Variants in PCDHA8 observed in about 807,000 individuals in gnomAD.
PCDHA8 encodes the protein protocadherin alpha 8.
Under a neutral mutation model 61.8 loss-of-function variants are expected in PCDHA8, and 53 were observed. That is an observed-to-expected ratio of 0.86 (90% confidence interval 0.69 to 1.08). The LOEUF is 1.08. Ranked by LOEUF, PCDHA8 falls within the 50% of genes least tolerant of loss-of-function variation. The pLI is 0.00. For synonymous variants in PCDHA8, 618 were observed against 556.6 expected (o/e 1.11, Z -1.55); for missense variants, 1,293 against 1,245.0 (o/e 1.04, Z -0.58).
At position 140,842,117 on chromosome 5, in the gene PCDHA8, G is replaced by A; in HGVS notation, c.796G>A (p.Ala266Thr). Residue 266 changes from alanine (A) to threonine (T), a missense_variant, in exon 1 of 4, where the codon GCT becomes ACT. Ala to Thr is a moderately conservative substitution (Grantham distance 58). Transcript: ENST00000531613. ...DNGTTVIKLNASDPDEGANGA... is the reference protein window; with the variant it reads ...DNGTTVIKLNTSDPDEGANGA... ...CGGAACAACAGTTATCAAACTGAAT[G>A]CTTCTGATCCGGATGAAGGAGCCAA... 2.5e-6 allele frequency: 4 copies of A among 1,613,862 alleles called. No individual in the cohort carries two copies. Among genetic ancestry groups the A allele is most frequent in the Non-Finnish European group, 3.4e-6 (4 of 1,179,862 alleles).
At chr5:140,932,728 T>C (rs2088582843) in intron 1 of PCDHA8, among the ~76,000 whole-genome samples, 1 of 151,886 alleles carries the variant, frequency 6.6e-6, no homozygotes, top group African/African-American at 2.4e-5. Context: ...TTGTATAATA[T>C]AGACCCTCAA....
intron 3 of PCDHA8, among the ~76,000 whole-genome samples, chr5:140,988,533 C>G (rs1395075166): frequency 6.6e-6 from 1 of 152,160 alleles, no homozygotes; most frequent in African/African-American, 2.4e-5. Flanking sequence ...CTGGCTCCAT[C>G]CATTCATGAC....
chr5:140,843,370 G>A lies in PCDHA8; in HGVS notation c.2049G>A (p.Ser683=), dbSNP rs782264664. The change falls in exon 1 of 4, where the codon TCG becomes TCA. Residue 683 remains serine (S), a synonymous_variant. Coordinates refer to ENST00000531613, the MANE Select transcript of PCDHA8 (RefSeq NM_018911.3). ...GQAPKASSRQ[S]AGVLGPEAAL... Reference sequence around the variant, plus strand: ...CTCCAAAAGCGTCATCGAGGCAGTCGGCTGGCGTTTTGGGTCCGGAAGCGG... The same window carrying A: ...CTCCAAAAGCGTCATCGAGGCAGTCAGCTGGCGTTTTGGGTCCGGAAGCGG... The A allele has an allele frequency of 1.2e-5, 19 of 1,596,088 alleles. 2 individuals carry two copies. Among genetic ancestry groups the A allele is most frequent in the Non-Finnish European group, 1.6e-5 (19 of 1,165,604 alleles).
intron 1 of PCDHA8, chr5:140,853,500 T>C (rs2042770346): frequency 1.0e-6 from 1 of 977,532 alleles, no homozygotes; most frequent in Non-Finnish European, 1.2e-6. Flanking sequence ...GTTAGAATCA[T>C]GAAACAATAA....
chr5:140,896,194 T>G (rs2065426928), intron 1 of PCDHA8, among the ~76,000 whole-genome samples: 2 of 152,244 alleles, frequency 1.3e-5, no homozygotes, highest in Middle Eastern at 3.2e-3. Flanking sequence ...AATAGTGCCA[T>G]GATGAACATA....
chr5:140,970,427 GGTGTTA>G (rs1442614278), intron 1 of PCDHA8, among the ~76,000 whole-genome samples: 6 of 152,192 alleles, frequency 3.9e-5, no homozygotes, highest in Admixed American at 3.3e-4. Context: ...TGTAGAGGCA[GGTGTTA>G]GTATATGCAC....
In PCDHA8 at chr5:140,848,503, A is replaced by G. The variant is rs2150411513; in HGVS notation, c.2394+4788A>G. 2.1e-5 allele frequency: 33 copies of G among 1,586,850 alleles called. 4 individuals are homozygous for G. Among genetic ancestry groups the G allele is most frequent in the African/African-American group, 4.1e-5 (3 of 74,020 alleles). Reference sequence around the variant, plus strand: ...GAAGACTGAGTATTTGAAATGTTATACTCAAGTCGAGGAGATCCAGAGGGT... The same window carrying G: ...GAAGACTGAGTATTTGAAATGTTATGCTCAAGTCGAGGAGATCCAGAGGGT... On this transcript the variant is annotated intron_variant, in intron 1 of 3. Coordinates refer to ENST00000531613, the MANE Select transcript of PCDHA8 (RefSeq NM_018911.3).
At chr5:140,988,467 A>T (rs1245281936) in intron 3 of PCDHA8, among the ~76,000 whole-genome samples, 12 of 152,242 alleles carry the variant, frequency 7.9e-5, no homozygotes, top group African/African-American at 2.4e-4. Flanking sequence ...AGGGTGTGGG[A>T]AGGGGAATTA....
chr5:140,906,669 A>G (rs2153496058), intron 1 of PCDHA8, among the ~76,000 whole-genome samples: 1 of 152,302 alleles, frequency 6.6e-6, no homozygotes. Context: ...GTAGTGACCC[A>G]AACCTTCATT....
At chr5:140,856,513 C>A (rs17844340) in intron 1 of PCDHA8, 3 of 1,598,242 alleles carry the variant, frequency 1.9e-6, no homozygotes, top group Non-Finnish European at 2.6e-6. Flanking sequence ...CACTAGAAGG[C>A]GCATCTGATG....
intron 1 of PCDHA8, among the ~76,000 whole-genome samples, chr5:140,939,255 A>T (rs1032457788): frequency 2.6e-5 from 4 of 152,060 alleles, no homozygotes; most frequent in Non-Finnish European, 4.4e-5. Context: ...GCTCTCTGGA[A>T]CCTCTTTTAT....
intron 1 of PCDHA8, chr5:140,849,964 T>C: frequency 6.3e-7 from 1 of 1,597,810 alleles, no homozygotes; most frequent in African/African-American, 1.3e-5. Flanking sequence ...AACGCCCTGG[T>C]GTCCTACTCG....
Position 140,841,918 on chromosome 5 carries a change from C to T in PCDHA8, c.597C>T (p.Ser199=). ...NKLVELVLRK[S]LDREDAPAHH... ...TGGTTGAGCTCGTATTAAGAAAATC[C>T]TTGGACAGAGAGGACGCTCCTGCGC... The change falls in exon 1 of 4, where the codon TCC becomes TCT. Residue 199 remains serine, a synonymous_variant. Coordinates refer to ENST00000531613, the MANE Select transcript of PCDHA8 (RefSeq NM_018911.3). 4 of 1,613,844 alleles carry T rather than the reference C, an allele frequency of 2.5e-6. No homozygotes were observed. The highest frequency in any genetic ancestry group is 3.4e-6 in the Non-Finnish European group (4 of 1,179,846).
At chr5:140,870,981 C>T (rs372420484) in intron 1 of PCDHA8, 72 of 1,613,472 alleles carry the variant, frequency 4.5e-5, no homozygotes, top group Non-Finnish European at 5.9e-5. Context: ...TGGGGCTGTA[C>T]ACGGGCGAGA....
intron 1 of PCDHA8, among the ~76,000 whole-genome samples, chr5:140,926,200 G>A (rs1050721250): frequency 6.6e-6 from 1 of 151,674 alleles, no homozygotes; most frequent in Non-Finnish European, 1.5e-5. Context: ...ACTTCTTTCG[G>A]GGGGCTCCTG....
rs2045073152 is a variant in PCDHA8 at position 140,857,980 on chromosome 5, G to T, written c.2394+14265G>T. ...TGGATGAGACTGACTCGCCACGCCA[G>T]CGCCTACTGGTGCTGGTGAAGGACC... On this transcript the variant is annotated intron_variant, in intron 1 of 3. Coordinates refer to ENST00000531613, the MANE Select transcript of PCDHA8 (RefSeq NM_018911.3). The T allele has an allele frequency of 1.3e-6, 2 of 1,597,100 alleles. 1 individual carries two copies. Among genetic ancestry groups the T allele is most frequent in the Non-Finnish European group, 1.7e-6 (2 of 1,167,294 alleles).
rs146333783 is a variant in PCDHA8 at position 140,850,797 on chromosome 5, G to T, written c.2394+7082G>T. On this transcript the variant is annotated intron_variant, in intron 1 of 3. Transcript: ENST00000531613. ...CTCTGGCGAGGGTAAGCAGAAGACC[G>T]ACCTCATGGCCTTCAGCCCGGGCCT... 279 of 1,598,230 alleles carry T rather than the reference G, an allele frequency of 1.7e-4. 20 individuals carry two copies. The highest frequency in any genetic ancestry group is 2.3e-4 in the Non-Finnish European group (264 of 1,167,772).
chr5:140,846,192 T>C (rs1293745593), intron 1 of PCDHA8, among the ~76,000 whole-genome samples: 1 of 149,496 alleles, frequency 6.7e-6, no homozygotes, highest in Non-Finnish European at 1.5e-5. Flanking sequence ...TTGAGTTCTT[T>C]GTATGTATGA....
chr5:140,897,722 T>G (rs1236534951), intron 1 of PCDHA8, among the ~76,000 whole-genome samples: 10 of 152,162 alleles, frequency 6.6e-5, no homozygotes, highest in Admixed American at 6.5e-4. Context: ...GATGGCTGGG[T>G]CAAATAGTAT....
Sources: allele counts gnomAD v4.1 joint callset (sites outside exome capture counted in the v4.1 genomes callset), GRCh38; gene constraint gnomAD v4.1.1; transcripts MANE v1.5; gene names NCBI Gene and HGNC (gene_info 2026-07-23, HGNC 2026-07-21).